The following RBFOX1 variants were observed in gnomAD, a reference collection of about 807,000 sequenced individuals.
RBFOX1 encodes RNA binding protein fox-1 homolog 1.
RBFOX1 carries 8 observed loss-of-function variants against 57.7 expected under a neutral mutation model. The observed-to-expected ratio is 0.14, with a 90% CI of 0.08 to 0.25. The LOEUF (loss-of-function observed/expected upper bound fraction) is 0.25. Among genes scored for constraint, RBFOX1 ranks in the 10% least tolerant of loss-of-function variants. The pLI is 1.00. For synonymous variants in RBFOX1, 326 were observed against 222.4 expected, an observed-to-expected ratio of 1.47 and a Z score of -4.15; for missense variants, 611 against 548.5, an observed-to-expected ratio of 1.11 and a Z score of -1.14.
At chr16:6,509,020 C>T (rs1178856917) in intron 2 of RBFOX1, among the ~76,000 whole-genome samples, 3 of 152,270 alleles carry the variant, frequency 2.0e-5, no homozygotes, top group Non-Finnish European at 4.4e-5. Flanking sequence ...TAAGATCACC[C>T]TTCTTCATGG....
chr16:6,429,502 C>T (rs1010416823), intron 2 of RBFOX1, among the ~76,000 whole-genome samples: 1 of 152,304 alleles, frequency 6.6e-6, no homozygotes, highest in East Asian at 1.9e-4. Flanking sequence ...CCATGTGCAC[C>T]TCTTTGTCTG....
chr16:6,702,330 G>C (rs543716274), intron 3 of RBFOX1, among the ~76,000 whole-genome samples: 1 of 152,284 alleles, frequency 6.6e-6, no homozygotes, highest in East Asian at 1.9e-4. Flanking sequence ...GAGGCAGGCA[G>C]ATTACCTGAG....
chr16:6,913,749 C>G (rs1304492959), intron 3 of RBFOX1, among the ~76,000 whole-genome samples: 1 of 152,132 alleles, frequency 6.6e-6, no homozygotes, highest in South Asian at 2.1e-4. Context: ...GTCTGGGCAG[C>G]CAGCGGTTAA....
At chr16:6,771,170 G>A (rs1227361071) in intron 3 of RBFOX1, among the ~76,000 whole-genome samples, 1 of 152,134 alleles carries the variant, frequency 6.6e-6, no homozygotes, top group Non-Finnish European at 1.5e-5. Flanking sequence ...ATGGTCGTCT[G>A]CAAGCCAAGG....
At position 6,767,955 on chromosome 16, in the gene RBFOX1, AGAAGAAG is replaced by A. The variant is rs2077635241; in HGVS notation, c.-16+113306_-16+113312del. Among the ~76,000 whole-genome samples, 15 of 106,920 alleles carry A rather than the reference AGAAGAAG, an allele frequency of 1.4e-4. No homozygotes were observed. The South Asian group carries it at 4.3e-3, about 31-fold the overall frequency. The allele number at this position is 106,920 out of a possible 152,430, so 70.1% of individuals were successfully genotyped here. A position where few individuals can be genotyped will look rare whatever the true frequency, so the allele number is the denominator to read the frequency against. ...AATAATAATAATAATAATAAGAAGAAGAAGAAGAAGAAGAAGAAGAAGAAGAAGAAGA... is the reference window on the plus strand; with the variant it reads ...AATAATAATAATAATAATAAGAAGAAAAGAAGAAGAAGAAGAAGAAGAAGA... On this transcript the variant is annotated intron_variant, in intron 3 of 15. Transcript: ENST00000550418.
intron 4 of RBFOX1, among the ~76,000 whole-genome samples, chr16:5,965,496 A>G (rs1020217729): frequency 6.6e-6 from 1 of 152,184 alleles, no homozygotes; most frequent in Non-Finnish European, 1.5e-5. Context: ...GGCATGCTTC[A>G]ACTCAGGCAG....
intron 1 of RBFOX1, among the ~76,000 whole-genome samples, chr16:5,248,977 G>T (rs1294850161): frequency 5.3e-5 from 5 of 95,166 alleles, no homozygotes; most frequent in Non-Finnish European, 9.2e-5. Flanking sequence ...AACAGAGCAA[G>T]ACTCCATCTC....
chr16:7,527,399 A>C lies in RBFOX1; in HGVS notation c.270+9010A>C, dbSNP rs74579198. ...GAGCCAAAATGAATGATTTATCCCA[A>C]CTTAGGATAACTTGGCCAGGAACAG... On this transcript the variant is annotated intron_variant, in intron 5 of 15. Transcript: ENST00000550418. 3.1e-3 allele frequency among the ~76,000 whole-genome samples: 467 copies of C among 152,226 alleles called. 3 individuals carry two copies. Among genetic ancestry groups the C allele is most frequent in the African/African-American group, 0.011 (441 of 41,540 alleles).
At chr16:5,907,337 C>G (rs188529171) in intron 4 of RBFOX1, among the ~76,000 whole-genome samples, 3 of 152,206 alleles carry the variant, frequency 2.0e-5, no homozygotes, top group African/African-American at 7.2e-5. Flanking sequence ...CTCTTTCTCT[C>G]TAAGTGTCAA....
intron 3 of RBFOX1, among the ~76,000 whole-genome samples, chr16:6,975,034 T>C (rs924238802): frequency 1.3e-5 from 2 of 152,170 alleles, no homozygotes; most frequent in Non-Finnish European, 2.9e-5. Context: ...GTAGTACTTT[T>C]TCTTTTGATC....
intron 3 of RBFOX1, among the ~76,000 whole-genome samples, chr16:6,677,468 G>T (rs1015929530): frequency 1.3e-5 from 2 of 152,060 alleles, no homozygotes; most frequent in African/African-American, 4.8e-5. Context: ...TACATCAAAA[G>T]ATCCTAAAAA....
intron 2 of RBFOX1, among the ~76,000 whole-genome samples, chr16:6,544,569 A>G (rs1248646599): frequency 2.6e-5 from 4 of 152,152 alleles, no homozygotes; most frequent in Admixed American, 2.0e-4. Context: ...TTCTCTTAGC[A>G]TTCGATCGTA....
At position 5,270,312 on chromosome 16, in the gene RBFOX1, A is replaced by G. The variant is rs189402221; in HGVS notation, c.219+30207A>G. The stretch of plus-strand genomic sequence containing the variant: ...GTTCAATGTAAGAAATATTGGAAAG[A>G]CTTGGTCACCAGGACCCGAGGAACC... On this transcript the variant is annotated intron_variant, in intron 1 of 2. Coordinates refer to the RBFOX1 transcript ENST00000585867. The G allele has an allele frequency of 4.4e-4, 304 of 698,242 alleles. 2 individuals are homozygous for G. In the African/African-American group the frequency reaches 4.7e-3, roughly 11 times the overall value. 43.3% of individuals were successfully genotyped at this position (698,242 alleles called of 1,614,324 possible). A position where few individuals can be genotyped will look rare whatever the true frequency, so the allele number is the denominator to read the frequency against.
chr16:7,055,794 A>G (rs1193976388), intron 4 of RBFOX1, among the ~76,000 whole-genome samples: 1 of 152,170 alleles, frequency 6.6e-6, no homozygotes, highest in African/African-American at 2.4e-5. Flanking sequence ...TTGTTACCCA[A>G]TGGAGTCTGC....
chr16:6,863,842 C>A (rs148076052), intron 3 of RBFOX1, among the ~76,000 whole-genome samples: 3 of 148,104 alleles, frequency 2.0e-5, no homozygotes, highest in Non-Finnish European at 3.0e-5. Flanking sequence ...ATCAGGTAAC[C>A]AGAAACAAAT....
chr16:6,495,245 A>C (rs1355442382), intron 2 of RBFOX1, among the ~76,000 whole-genome samples: 1 of 152,034 alleles, frequency 6.6e-6, no homozygotes, highest in Non-Finnish European at 1.5e-5. Context: ...CAGCCTCCTG[A>C]ATTGCTGGGA....
At chr16:7,105,719 G>GCTCC (rs2063465519) in intron 4 of RBFOX1, among the ~76,000 whole-genome samples, 6 of 151,954 alleles carry the variant, frequency 3.9e-5, no homozygotes, top group Admixed American at 3.9e-4. Context: ...TATATATGGA[G>GCTCC]ATATATAGGT....
chr16:7,471,563 A>T (rs777974178), intron 4 of RBFOX1, among the ~76,000 whole-genome samples: 1 of 152,220 alleles, frequency 6.6e-6, no homozygotes, highest in South Asian at 2.1e-4. Context: ...ATTTCAAAAA[A>T]AATGAGTCCT....
chr16:6,810,035 T>TC (rs1225126640), intron 3 of RBFOX1, among the ~76,000 whole-genome samples: 2 of 151,796 alleles, frequency 1.3e-5, no homozygotes, highest in African/African-American at 2.4e-5. Flanking sequence ...ACCTTTTTTT[T>TC]TTTTTTCTGT....
Sources: allele counts gnomAD v4.1 joint callset (sites outside exome capture counted in the v4.1 genomes callset), GRCh38; gene constraint gnomAD v4.1.1; transcripts MANE v1.5; gene names NCBI Gene and HGNC (gene_info 2026-07-23, HGNC 2026-07-21).